Variants in MPPED1 observed in about 807,000 individuals in gnomAD.
MPPED1 encodes the protein metallophosphoesterase domain-containing protein 1.
In MPPED1, 16 loss-of-function variants were observed where a neutral mutation model predicts 36.2. The observed-to-expected ratio is 0.44, with a 90% CI of 0.30 to 0.67. The LOEUF is 0.67. MPPED1 is among the 30% of genes least tolerant of loss of function. MPPED1 has a pLI of 0.10. For missense variants in MPPED1, 307 were observed against 453.4 expected, an observed-to-expected ratio of 0.68 and a Z score of 2.93; for synonymous variants, 199 against 191.3, an observed-to-expected ratio of 1.04 and a Z score of -0.33.
At chr22:43,447,070 T>C (rs1314244714) in intron 3 of MPPED1, among the ~76,000 whole-genome samples, 1 of 151,934 alleles carries the variant, frequency 6.6e-6, no homozygotes, top group East Asian at 1.9e-4. Flanking sequence ...GGTGCCTTCC[T>C]CCCCCCTGCT....
intron 1 of MPPED1, chr22:43,417,163 T>G (rs539203161): frequency 3.5e-6 from 1 of 289,222 alleles, no homozygotes; most frequent in African/African-American, 2.3e-5. Flanking sequence ...GCTAAAAGGT[T>G]TTTAAGTGGT....
intron 3 of MPPED1, among the ~76,000 whole-genome samples, chr22:43,468,448 C>G (rs530305004): frequency 6.6e-6 from 1 of 152,322 alleles, no homozygotes; most frequent in South Asian, 2.1e-4. Context: ...TCCCAGATGT[C>G]CTCATATCCT....
chr22:43,502,514 G>A lies in MPPED1; in HGVS notation c.749-130G>A, dbSNP rs1250434934. 5 of 677,704 alleles carry A rather than the reference G, an allele frequency of 7.4e-6. No homozygotes were observed. Among genetic ancestry groups the A allele is most frequent in the African/African-American group, 3.6e-5 (2 of 55,908 alleles). The allele number at this position is 677,704 out of a possible 1,614,324, so 42.0% of individuals were successfully genotyped here. On this transcript the variant is annotated intron_variant, in intron 5 of 6. Transcript: ENST00000443721. This position sits in a 1 kb window ranked among gnomAD's most constrained non-coding sequence, Gnocchi z 5.5. ...CAGGGTTCCGGAGAGCTTGCTAGGG[G>A]AGAGTGGTGCAAAGCCGGAGTCCGG...
At position 43,437,839 on chromosome 22, in the gene MPPED1, G is replaced by A. The variant is rs73426294; in HGVS notation, c.406+2624G>A. On this transcript the variant is annotated intron_variant, in intron 3 of 6. Coordinates refer to ENST00000443721, the MANE Select transcript of MPPED1 (RefSeq NM_001044370.2). ...ACCAGATCTGGGCTCCCCTGGGTAG[G>A]GGTGGGGTGTTGGGAGGAAGACATT... Among the ~76,000 whole-genome samples the A allele has an allele frequency of 4.2e-3, 633 of 152,330 alleles. 5 individuals are homozygous for A. Among genetic ancestry groups the A allele is most frequent in the African/African-American group, 0.014 (602 of 41,570 alleles).
intron 4 of MPPED1, among the ~76,000 whole-genome samples, chr22:43,497,321 G>C (rs1182471087): frequency 6.6e-6 from 1 of 151,974 alleles, no homozygotes; most frequent in Non-Finnish European, 1.5e-5. Flanking sequence ...TGTTGCAAAT[G>C]ACTGAAAACC....
intron 4 of MPPED1, among the ~76,000 whole-genome samples, chr22:43,492,893 GT>G (rs1383251502): frequency 2.6e-5 from 4 of 152,148 alleles, no homozygotes; most frequent in Non-Finnish European, 4.4e-5. Context: ...AGGGGGATCG[GT>G]TTCAGCTTTG....
chr22:43,477,944 G>T lies in MPPED1; in HGVS notation c.632+2983G>T, dbSNP rs975615269. Among the ~76,000 whole-genome samples, 29 of 139,256 alleles carry T rather than the reference G, an allele frequency of 2.1e-4. No individual in the cohort carries two copies. In the Admixed American group the frequency reaches 2.2e-3, roughly 10 times the overall value. The allele number at this position is 139,256 out of a possible 152,430, so 91.4% of individuals were successfully genotyped here. Reference sequence around the variant, plus strand: ...CATCCAGGTGAAGGCCTGGCTCAAAGGAAGGCCCTGGAGAGTGGCTGTGGT... The same window carrying T: ...CATCCAGGTGAAGGCCTGGCTCAAATGAAGGCCCTGGAGAGTGGCTGTGGT... On this transcript the variant is annotated intron_variant, in intron 4 of 6. Transcript: ENST00000443721.
intron 3 of MPPED1, among the ~76,000 whole-genome samples, chr22:43,468,014 C>T (rs957860368): frequency 1.3e-5 from 2 of 152,178 alleles, no homozygotes; most frequent in African/African-American, 4.8e-5. Flanking sequence ...CATGCACATC[C>T]CCCTCTGCCC....
At chr22:43,444,796 G>A (rs1456705424) in intron 3 of MPPED1, among the ~76,000 whole-genome samples, 1 of 151,928 alleles carries the variant, frequency 6.6e-6, no homozygotes, top group Non-Finnish European at 1.5e-5. Context: ...GAAAGTTCTT[G>A]TGTGGCTTAA....
intron 5 of MPPED1, among the ~76,000 whole-genome samples, chr22:43,498,647 G>C (rs897856418): frequency 4.6e-5 from 7 of 152,050 alleles, no homozygotes; most frequent in African/African-American, 1.4e-4. Context: ...GCAGACCCCA[G>C]TCCCGGGTGC....
At chr22:43,467,146 T>C (rs1000656124) in intron 3 of MPPED1, among the ~76,000 whole-genome samples, 2 of 152,264 alleles carry the variant, frequency 1.3e-5, no homozygotes, top group Non-Finnish European at 2.9e-5. Context: ...GTTCTCATTC[T>C]GGCCAGAGAG....
intron 3 of MPPED1, among the ~76,000 whole-genome samples, chr22:43,472,662 T>C (rs1931415676): frequency 1.3e-5 from 2 of 152,136 alleles, no homozygotes; most frequent in Non-Finnish European, 2.9e-5. Context: ...CAGCTATGAG[T>C]AGATTGGGAT....
At chr22:43,492,227 G>A (rs1932128271) in intron 4 of MPPED1, among the ~76,000 whole-genome samples, 1 of 152,038 alleles carries the variant, frequency 6.6e-6, no homozygotes, top group African/African-American at 2.4e-5. Context: ...TGGGAAATTG[G>A]GGCATAGAAG....
intron 3 of MPPED1, among the ~76,000 whole-genome samples, chr22:43,466,480 C>G (rs1052841899): frequency 3.3e-5 from 5 of 152,210 alleles, no homozygotes; most frequent in African/African-American, 1.2e-4. Context: ...CGTTAATCTT[C>G]CTGAATAGCC....
At chr22:43,473,976 A>G (rs12168763) in intron 3 of MPPED1, among the ~76,000 whole-genome samples, 14,964 of 152,298 alleles carry the variant, frequency 0.098, 869 homozygotes, top group African/African-American at 0.16. Flanking sequence ...GTGGCTGTAT[A>G]CATAGACATT....
chr22:43,420,185 C>T (rs1929216047), intron 1 of MPPED1, among the ~76,000 whole-genome samples: 1 of 152,096 alleles, frequency 6.6e-6, no homozygotes, highest in East Asian at 1.9e-4. Flanking sequence ...CGCTCAGCAG[C>T]CTGAGATGGA....
At chr22:43,428,097 A>C (rs1929545141) in intron 2 of MPPED1, among the ~76,000 whole-genome samples, 1 of 152,156 alleles carries the variant, frequency 6.6e-6, no homozygotes, top group Non-Finnish European at 1.5e-5. Flanking sequence ...GCCTGTGCTG[A>C]GCTTACATCC....
At chr22:43,421,154 C>T (rs1265408171) in intron 1 of MPPED1, among the ~76,000 whole-genome samples, 3 of 152,244 alleles carry the variant, frequency 2.0e-5, no homozygotes, top group East Asian at 1.9e-4. Flanking sequence ...CGGGTGTAAA[C>T]GCTTCCTAGC....
chr22:43,502,643 G>A lies in MPPED1; in HGVS notation c.749-1G>A. On this transcript the variant is annotated splice_acceptor_variant, in intron 5 of 6. Coordinates refer to ENST00000443721, the MANE Select transcript of MPPED1 (RefSeq NM_001044370.2). LOFTEE classifies it high-confidence loss of function. This position sits in a 1 kb window ranked among gnomAD's most constrained non-coding sequence, Gnocchi z 5.5. ...GCCTCCTGTTGTCTCCCCCATACCA[G>A]GCTTCCTGGACTGGGTCCCCAAGAA... 1 of 1,613,018 alleles carries A rather than the reference G, an allele frequency of 6.2e-7. No individual in the cohort carries two copies. The highest frequency in any genetic ancestry group is 8.5e-7 in the Non-Finnish European group (1 of 1,179,650).
Sources: allele counts gnomAD v4.1 joint callset (sites outside exome capture counted in the v4.1 genomes callset), GRCh38; gene constraint gnomAD v4.1.1; non-coding constraint Gnocchi (gnomAD v3.1); transcripts MANE v1.5; gene names NCBI Gene and HGNC (gene_info 2026-07-23, HGNC 2026-07-21).